KAZN: variants seen among roughly 807,000 people sequenced by gnomAD.
KAZN encodes the protein kazrin.
KAZN carries 40 observed loss-of-function variants against 87.4 expected under a neutral mutation model. That is an observed-to-expected ratio of 0.46 (90% CI 0.36 to 0.60). KAZN has a LOEUF of 0.60. Among genes scored for constraint, KAZN ranks in the 20% least tolerant of loss-of-function variants. The pLI is 0.00. For synonymous variants in KAZN, 466 were observed against 458.3 expected, an observed-to-expected ratio of 1.02 and a Z score of -0.22; for missense variants, 898 against 1,073.9, an observed-to-expected ratio of 0.84 and a Z score of 2.29.
chr1:14,171,652 T>C (rs990052531), intron 1 of KAZN, among the ~76,000 whole-genome samples: 13 of 152,214 alleles, frequency 8.5e-5, no homozygotes, highest in African/African-American at 3.1e-4. Flanking sequence ...GGTCATTAGT[T>C]CATATCTATG....
chr1:14,992,974 G>A (rs1338412576), intron 2 of KAZN, among the ~76,000 whole-genome samples: 1 of 142,052 alleles, frequency 7.0e-6, no homozygotes, highest in Admixed American at 7.1e-5. Flanking sequence ...TTTTATGATA[G>A]GTATATTTTT....
At chr1:14,093,928 C>T (rs1481319739) in intron 1 of KAZN, among the ~76,000 whole-genome samples, 1 of 152,136 alleles carries the variant, frequency 6.6e-6, no homozygotes, top group Non-Finnish European at 1.5e-5. Flanking sequence ...CAGATTCATC[C>T]TGGCCTCTCT....
At position 15,081,269 on chromosome 1, in the gene KAZN, G is replaced by A. The variant is rs1384725741; in HGVS notation, c.1223-12911G>A. ...CTCTCTTCCCAACTCCACGTCCAGT[G>A]ACAGCCTGCCGGTCACTGAAATTGG... is the stretch of plus-strand genomic sequence containing the variant. On this transcript the variant is annotated intron_variant, in intron 8 of 14. Transcript: ENST00000376030. This position sits in a 1 kb window ranked among gnomAD's most constrained non-coding sequence, Gnocchi z 4.1. Among the ~76,000 whole-genome samples the A allele has an allele frequency of 2.0e-5, 3 of 152,208 alleles. No homozygotes were observed. Among genetic ancestry groups the A allele is most frequent in the Non-Finnish European group, 2.9e-5 (2 of 68,042 alleles).
intron 1 of KAZN, chr1:14,924,348 C>A: frequency 1.0e-6 from 1 of 988,128 alleles, no homozygotes; most frequent in Non-Finnish European, 1.2e-6. Flanking sequence ...CTGGTAGCGT[C>A]CCCCCGGGCA....
chr1:14,016,590 A>G (rs552622899), intron 1 of KAZN, among the ~76,000 whole-genome samples: 1 of 152,242 alleles, frequency 6.6e-6, no homozygotes, highest in African/African-American at 2.4e-5. Flanking sequence ...AAATTTCAGA[A>G]TATCTCGGAG....
intron 1 of KAZN, among the ~76,000 whole-genome samples, chr1:14,955,765 C>G: frequency 6.6e-6 from 1 of 152,210 alleles, no homozygotes; most frequent in East Asian, 1.9e-4. Flanking sequence ...ACTCTCTGCT[C>G]TCATCTGAGT....
intron 1 of KAZN, among the ~76,000 whole-genome samples, chr1:14,713,443 G>A (rs1642595070): frequency 6.6e-6 from 1 of 152,118 alleles, no homozygotes; most frequent in African/African-American, 2.4e-5. Context: ...CACTGTGCCT[G>A]GTTAGTTTAC....
intron 2 of KAZN, among the ~76,000 whole-genome samples, chr1:14,989,725 T>A (rs977007064): frequency 1.3e-5 from 2 of 152,184 alleles, no homozygotes; most frequent in Non-Finnish European, 2.9e-5. Context: ...ATGTGTGAAG[T>A]GCTCGGGATG....
chr1:13,903,996 A>G (rs1243460390), intron 1 of KAZN, among the ~76,000 whole-genome samples: 2 of 152,170 alleles, frequency 1.3e-5, no homozygotes, highest in East Asian at 1.9e-4. Context: ...GAGAGGCATG[A>G]ACCACTCCGC....
At chr1:14,960,105 T>A (rs1291523915) in intron 1 of KAZN, among the ~76,000 whole-genome samples, 1 of 152,152 alleles carries the variant, frequency 6.6e-6, no homozygotes. Flanking sequence ...CTCGAGGGTA[T>A]GTGTTTTGCA....
chr1:14,105,130 C>T (rs966058423), intron 1 of KAZN, among the ~76,000 whole-genome samples: 1 of 152,174 alleles, frequency 6.6e-6, no homozygotes, highest in African/African-American at 2.4e-5. Context: ...GCAGAAGACA[C>T]AGATTCTGCT....
intron 1 of KAZN, among the ~76,000 whole-genome samples, chr1:14,620,502 G>A (rs1311563997): frequency 6.6e-6 from 1 of 152,178 alleles, no homozygotes; most frequent in African/African-American, 2.4e-5. Context: ...AGATTCCAGG[G>A]CTCGGCCAGG....
chr1:14,326,237 A>G (rs1199513138), intron 2 of KAZN, among the ~76,000 whole-genome samples: 1 of 152,134 alleles, frequency 6.6e-6, no homozygotes, highest in Admixed American at 6.5e-5. Flanking sequence ...CAACACATCT[A>G]AGGAAAAGAG....
intron 2 of KAZN, among the ~76,000 whole-genome samples, chr1:15,015,472 C>T (rs1157363405): frequency 6.6e-6 from 1 of 152,100 alleles, no homozygotes; most frequent in African/African-American, 2.4e-5. Context: ...TGTTTTTAAA[C>T]ATGGTTTAAA....
intron 1 of KAZN, among the ~76,000 whole-genome samples, chr1:14,767,091 A>C (rs1053746788): frequency 6.6e-6 from 1 of 152,120 alleles, no homozygotes; most frequent in Non-Finnish European, 1.5e-5. Context: ...GCGAATGGGT[A>C]CGCTTTCTGT....
intron 1 of KAZN, among the ~76,000 whole-genome samples, chr1:14,127,107 A>G (rs1644888874): frequency 3.3e-5 from 1 of 30,504 alleles, no homozygotes; most frequent in Non-Finnish European, 5.0e-5. Context: ...CTCCATCTCA[A>G]ACAAAACAAA....
chr1:14,065,567 A>T (rs1016595368), intron 1 of KAZN, among the ~76,000 whole-genome samples: 48 of 132,884 alleles, frequency 3.6e-4, no homozygotes, highest in African/African-American at 1.1e-3. Context: ...AAATGCATTT[A>T]AAAAAAAAAA....
At chr1:14,504,795 G>A (rs1670462670) in intron 2 of KAZN, among the ~76,000 whole-genome samples, 2 of 152,192 alleles carry the variant, frequency 1.3e-5, no homozygotes, top group Admixed American at 1.3e-4. Context: ...GGATAAATTT[G>A]TTCTCCCTTA....
At chr1:14,429,780 C>G (rs184458306) in intron 2 of KAZN, among the ~76,000 whole-genome samples, 31 of 152,270 alleles carry the variant, frequency 2.0e-4, no homozygotes, top group Non-Finnish European at 3.1e-4. Context: ...TCATCGTCAT[C>G]ATCCCGACGT....
Sources: gnomAD v4.1 joint callset for allele counts (sites outside exome capture counted in the v4.1 genomes callset) on GRCh38, gnomAD v4.1.1 for gene constraint, Gnocchi (gnomAD v3.1) non-coding constraint, MANE v1.5 for transcripts, NCBI Gene and HGNC (gene_info 2026-07-23, HGNC 2026-07-21) for gene names.